Variants in VCAN observed in about 807,000 individuals in gnomAD.
VCAN encodes versican.
In VCAN, 44 loss-of-function variants were observed where a neutral mutation model predicts 245.5. The ratio of observed to expected loss-of-function variants is 0.18; its 90% CI spans 0.14 to 0.23. The LOEUF (loss-of-function observed/expected upper bound fraction) is 0.23, where lower values mean the gene tolerates loss of function less well. VCAN is among the 10% of genes least tolerant of loss of function. The pLI is 1.00. For missense variants in VCAN, 3,793 were observed against 4,057.9 expected (o/e 0.93, Z 1.77); for synonymous variants, 1,413 against 1,437.0 (o/e 0.98, Z 0.38).
At chr5:83,568,330 A>C (rs1748161223) in intron 12 of VCAN, among the ~76,000 whole-genome samples, 1 of 152,184 alleles carries the variant, frequency 6.6e-6, no homozygotes, top group Admixed American at 6.5e-5. Flanking sequence ...TAATAGTGTG[A>C]CATGCCTGTG....
chr5:83,501,334 A>C (rs1445393931), intron 5 of VCAN, among the ~76,000 whole-genome samples: 1 of 152,148 alleles, frequency 6.6e-6, no homozygotes, highest in African/African-American at 2.4e-5. Context: ...CTATTTTTAA[A>C]ATTTTTGTGC....
At position 83,541,786 on chromosome 5, in the gene VCAN, T is replaced by C; in HGVS notation, c.8783T>C (p.Ile2928Thr). Residue 2928 changes from isoleucine (I) to threonine (T), a missense_variant, in exon 8 of 15, where the codon ATT (isoleucine) becomes ACT (threonine). By Grantham distance (89) the Ile-to-Thr change is moderately conservative. Coordinates refer to ENST00000265077, the MANE Select transcript of VCAN (RefSeq NM_004385.5). ...CTTATTGCTGTGGAAGGAACTGAGATTCTCCAAGATTTCCAAAACAAAACC... is the reference window on the plus strand; with the variant it reads ...CTTATTGCTGTGGAAGGAACTGAGACTCTCCAAGATTTCCAAAACAAAACC... ...TELIAVEGTE[I>T]LQDFQNKTDG... 1 of 1,614,060 alleles carries C rather than the reference T, an allele frequency of 6.2e-7. No homozygotes were observed. The highest frequency in any genetic ancestry group is 8.5e-7 in the Non-Finnish European group (1 of 1,179,994).
intron 5 of VCAN, among the ~76,000 whole-genome samples, chr5:83,499,505 T>G (rs1052614288): frequency 1.3e-4 from 20 of 152,190 alleles, no homozygotes; most frequent in Admixed American, 6.5e-5. Flanking sequence ...AAAAATGCTT[T>G]GCTTTATTTA....
In VCAN at chr5:83,542,280, A is replaced by G; in HGVS notation, c.9265+12A>G. On this transcript the variant is annotated intron_variant, in intron 8 of 14. Coordinates refer to ENST00000265077, the MANE Select transcript of VCAN (RefSeq NM_004385.5). The stretch of plus-strand genomic sequence containing the variant: ...AATCTATTTACCAGGTAAGATCACA[A>G]CATTGATAAATCTGTTTCCAAACCT... The G allele has an allele frequency of 6.2e-7, 1 of 1,609,440 alleles. No homozygotes were observed. Among genetic ancestry groups the G allele is most frequent in the South Asian group, 1.1e-5 (1 of 91,070 alleles).
chr5:83,515,375 A>T (rs1289341878), intron 6 of VCAN, among the ~76,000 whole-genome samples: 3 of 152,234 alleles, frequency 2.0e-5, no homozygotes, highest in Non-Finnish European at 4.4e-5. Flanking sequence ...GGAGAGGGAG[A>T]TGGAACATGT....
chr5:83,514,210 G>A (rs1194035206), intron 6 of VCAN, among the ~76,000 whole-genome samples: 1 of 152,000 alleles, frequency 6.6e-6, no homozygotes, highest in Non-Finnish European at 1.5e-5. Flanking sequence ...TATGTAACTT[G>A]TAAATATAAT....
At chr5:83,488,775 G>A (rs1010500654) in intron 2 of VCAN, among the ~76,000 whole-genome samples, 1 of 152,014 alleles carries the variant, frequency 6.6e-6, no homozygotes, top group Non-Finnish European at 1.5e-5. Context: ...TAACAGCAAT[G>A]GTTATTATAC....
chr5:83,514,951 C>T (rs1745796121), intron 6 of VCAN, among the ~76,000 whole-genome samples: 1 of 152,086 alleles, frequency 6.6e-6, no homozygotes, highest in Non-Finnish European at 1.5e-5. Context: ...AGAAATATAA[C>T]CATATTTTTC....
intron 12 of VCAN, among the ~76,000 whole-genome samples, chr5:83,572,167 A>T (rs1748311689): frequency 6.6e-6 from 1 of 152,214 alleles, no homozygotes. Context: ...ATCTAGAATA[A>T]CTAGGCCAAA....
At position 83,520,230 on chromosome 5, in the gene VCAN, A is replaced by G. The variant is rs767181153; in HGVS notation, c.1924A>G (p.Thr642Ala). The change falls in exon 7 of 15, where the codon ACT (threonine) becomes GCT (alanine). Residue 642 changes from threonine to alanine, a missense_variant. This residue lies in a region of VCAN where 3,182 missense variants were observed against 3,250.3 expected (regional missense o/e 0.98). Transcript: ENST00000265077. ...AGAGTTTCTTGGCAAATATCTGTCTACTACACCTTTTCCATCACAGCATCG... is the reference window on the plus strand; with the variant it reads ...AGAGTTTCTTGGCAAATATCTGTCTGCTACACCTTTTCCATCACAGCATCG... ...TEEFLGKYLS[T>A]TPFPSQHRTE... 3.3e-5 allele frequency: 54 copies of G among 1,613,876 alleles called. 1 individual carries two copies. In the South Asian group the frequency reaches 5.8e-4, roughly 17 times the overall value.
intron 5 of VCAN, among the ~76,000 whole-genome samples, chr5:83,499,005 A>G (rs1745251334): frequency 6.6e-6 from 1 of 152,040 alleles, no homozygotes; most frequent in Admixed American, 6.6e-5. Context: ...GACCCCACAC[A>G]CGTGCATCTC....
chr5:83,519,497 C>T lies in VCAN; in HGVS notation c.1191C>T (p.Pro397=), dbSNP rs762666146. The change falls in exon 7 of 15, where the codon CCC becomes CCT. Residue 397 remains proline, a synonymous_variant. Coordinates refer to ENST00000265077, the MANE Select transcript of VCAN (RefSeq NM_004385.5). ...CTGTCATTCCAACAGAGTTCCCTCC[C>T]GTGGGAAATATTGTCAGTTTTGAAC... ...ELPVIPTEFP[P]VGNIVSFEQK... 159 of 1,614,120 alleles carry T rather than the reference C, an allele frequency of 9.9e-5. 2 individuals carry two copies. The South Asian group carries it at 1.3e-3, about 13-fold the overall frequency.
At chr5:83,510,023 C>A (rs1412111149) in intron 5 of VCAN, among the ~76,000 whole-genome samples, 1 of 152,126 alleles carries the variant, frequency 6.6e-6, no homozygotes, top group Non-Finnish European at 1.5e-5. Flanking sequence ...ATGTAACTGG[C>A]CCTGTGACCC....
At chr5:83,475,712 G>C (rs918383494) in intron 1 of VCAN, among the ~76,000 whole-genome samples, 4 of 152,142 alleles carry the variant, frequency 2.6e-5, no homozygotes, top group Admixed American at 6.5e-5. Flanking sequence ...TATTGTAAAG[G>C]GTTCCAATGG....
rs1220353047 is a variant in VCAN, at chr5:83,580,154, G to A, written c.10055G>A (p.Cys3352Tyr). ...AGATGGGCTATACCTAAAATTACCTGCATGAACCGTAAGTGGTCCTTTAGA... is the reference window on the plus strand; with the variant it reads ...AGATGGGCTATACCTAAAATTACCTACATGAACCGTAAGTGGTCCTTTAGA... ...NGRWAIPKIT[C>Y]MNPSAYQRTY... Residue 3352 changes from cysteine (C) to tyrosine (Y), a missense_variant, in exon 14 of 15, where the codon TGC (cysteine) becomes TAC (tyrosine). Transcript: ENST00000265077. The A allele has an allele frequency of 6.2e-7, 1 of 1,614,072 alleles. No individual in the cohort carries two copies. The highest frequency in any genetic ancestry group is 8.5e-7 in the Non-Finnish European group (1 of 1,179,988).
At chr5:83,572,371 A>C (rs1580079033) in intron 12 of VCAN, 45 bp from the exon 13 acceptor site, 4 of 1,611,870 alleles carry the variant, frequency 2.5e-6, no homozygotes, top group Non-Finnish European at 3.4e-6. Context: ...CTCTTACGTT[A>C]CTTTTTGACT....
chr5:83,485,259 G>A (rs917968072), intron 2 of VCAN, among the ~76,000 whole-genome samples: 2 of 152,036 alleles, frequency 1.3e-5, no homozygotes, highest in African/African-American at 4.8e-5. Flanking sequence ...TATCTACATG[G>A]AACACTGTAG....
intron 12 of VCAN, 74 bp from the exon 13 acceptor site, chr5:83,572,342 T>G: frequency 1.9e-6 from 3 of 1,547,588 alleles, no homozygotes; most frequent in Non-Finnish European, 1.8e-6. Flanking sequence ...AATTAGATTG[T>G]GATATAATAC....
chr5:83,521,038 G>A lies in VCAN; in HGVS notation c.2732G>A (p.Ser911Asn), dbSNP rs777339872. ...TTEEKVPPIT[S>N]TEGQVYATME... ...GAAGAAAAAGTTCCACCTATCACAA[G>A]CACTGAAGGCCAAGTTTATGCAACC... The change falls in exon 7 of 15, where the codon AGC becomes AAC. Residue 911 changes from serine (S) to asparagine (N), a missense_variant. Around this residue, in one of 5 missense-constraint regions of VCAN, gnomAD observed 3,182 missense variants for 3,250.3 expected, o/e 0.98. Coordinates refer to ENST00000265077, the MANE Select transcript of VCAN (RefSeq NM_004385.5). 3 of 1,613,916 alleles carry A rather than the reference G, an allele frequency of 1.9e-6. No homozygotes were observed. Among genetic ancestry groups the A allele is most frequent in the Middle Eastern group, 1.6e-4 (1 of 6,082 alleles).
Sources: gnomAD v4.1 joint callset for allele counts (sites outside exome capture counted in the v4.1 genomes callset) on GRCh38, gnomAD v4.1.1 for gene constraint, gnomAD v4.1.1 regional missense constraint, MANE v1.5 for transcripts, NCBI Gene and HGNC (gene_info 2026-07-23, HGNC 2026-07-21) for gene names.